Variants in PHACTR2 observed in about 807,000 individuals in gnomAD.
PHACTR2 encodes the protein phosphatase and actin regulator 2.
PHACTR2 carries 30 observed loss-of-function variants against 76.0 expected under a neutral mutation model. That is an observed-to-expected ratio of 0.39 (90% CI 0.30 to 0.54). PHACTR2 has a LOEUF of 0.54. Among genes scored for constraint, PHACTR2 ranks in the 20% least tolerant of loss-of-function variants. The pLI is 0.61. For missense variants in PHACTR2, 696 were observed against 781.1 expected (o/e 0.89, Z 1.30); for synonymous variants, 292 against 292.5 (o/e 1.00, Z 0.02).
chr6:143,694,922 C>T (rs1239275085), intron 1 of PHACTR2, among the ~76,000 whole-genome samples: 1 of 152,198 alleles, frequency 6.6e-6, no homozygotes, highest in Non-Finnish European at 1.5e-5. Context: ...GACTGCTTAT[C>T]TTGTCAACGT....
chr6:143,781,220 TAAAG>T (rs928723278), intron 9 of PHACTR2, among the ~76,000 whole-genome samples: 2 of 152,224 alleles, frequency 1.3e-5, no homozygotes, highest in African/African-American at 4.8e-5. Flanking sequence ...ATGGAAAACT[TAAAG>T]AAATCAGTTT....
intron 1 of PHACTR2, among the ~76,000 whole-genome samples, chr6:143,630,487 G>T (rs988389785): frequency 6.6e-6 from 1 of 151,962 alleles, no homozygotes; most frequent in African/African-American, 2.4e-5. Flanking sequence ...CAAATTAAAA[G>T]TGTTGTGATA....
intron 2 of PHACTR2, among the ~76,000 whole-genome samples, chr6:143,719,569 T>C (rs1162130224): frequency 1.3e-5 from 2 of 148,194 alleles, no homozygotes; most frequent in African/African-American, 2.5e-5. Context: ...AGGCTGGTCT[T>C]GAACTCCTGA....
rs191188255 is a variant in PHACTR2, at chr6:143,586,740, G to A, written c.217+49533G>A. ...TGGGTCACTGCCATGAAAAGGGGCG[G>A]TAACTCCCAGGTGTTGCCATGGTAC... On this transcript the variant is annotated intron_variant, in intron 1 of 11. Transcript: ENST00000367584. Among the ~76,000 whole-genome samples the A allele has an allele frequency of 5.3e-4, 80 of 152,300 alleles. 1 individual carries two copies. In the Middle Eastern group the frequency reaches 0.02, roughly 39 times the overall value.
chr6:143,638,619 A>C (rs1037715136), intron 1 of PHACTR2, among the ~76,000 whole-genome samples: 6 of 151,644 alleles, frequency 4.0e-5, no homozygotes, highest in African/African-American at 1.2e-4. Context: ...CCAAGTTTTG[A>C]GCTAATTTTT....
chr6:143,538,813 G>T (rs916561753), intron 1 of PHACTR2, among the ~76,000 whole-genome samples: 2 of 152,136 alleles, frequency 1.3e-5, no homozygotes, highest in Admixed American at 6.5e-5. Context: ...TTTGTAGATC[G>T]CATTGGATGA....
In PHACTR2 at chr6:143,648,457, G is replaced by T. The variant is rs1031918410; in HGVS notation, c.13+40135G>T. Reference sequence around the variant, plus strand: ...CTCTGCACTGGGAGTCCCTGGGAGGGGGGGACGAGGAGGAACAGACCAAAC... The same window carrying T: ...CTCTGCACTGGGAGTCCCTGGGAGGTGGGGACGAGGAGGAACAGACCAAAC... On this transcript the variant is annotated intron_variant, in intron 1 of 11. Coordinates refer to the PHACTR2 transcript ENST00000305766. This position sits in a 1 kb window ranked among gnomAD's most constrained non-coding sequence, Gnocchi z 6.7. Among the ~76,000 whole-genome samples, 4 of 152,268 alleles carry T rather than the reference G, an allele frequency of 2.6e-5. No individual in the cohort carries two copies. The highest frequency in any genetic ancestry group is 3.4e-3 in the Middle Eastern group (1 of 294).
rs1158674809 is a variant in PHACTR2 at position 143,558,845 on chromosome 6, T to C, written c.217+21638T>C. 6.6e-6 allele frequency among the ~76,000 whole-genome samples: 1 copy of C among 152,152 alleles called. No homozygotes were observed. Among genetic ancestry groups the C allele is most frequent in the African/African-American group, 2.4e-5 (1 of 41,430 alleles). On this transcript the variant is annotated intron_variant, in intron 1 of 11. Coordinates refer to the PHACTR2 transcript ENST00000367584. This position sits in a 1 kb window ranked among gnomAD's most constrained non-coding sequence, Gnocchi z 4.7. ...GCTGCAAACAGTGGACCAGTAATGG[T>C]GATTAGGTAGCTCGAGGGCCCCTAA...
intron 1 of PHACTR2, among the ~76,000 whole-genome samples, chr6:143,704,977 C>T (rs767495490): frequency 6.7e-6 from 1 of 150,248 alleles, no homozygotes; most frequent in African/African-American, 2.5e-5. Flanking sequence ...CACACACGCT[C>T]CACCATGCCC....
At chr6:143,729,452 T>A (rs1037091715) in intron 2 of PHACTR2, among the ~76,000 whole-genome samples, 2 of 152,160 alleles carry the variant, frequency 1.3e-5, no homozygotes, top group African/African-American at 4.8e-5. Flanking sequence ...TTCTTCTAAA[T>A]GTTTTTATAG....
At chr6:143,572,856 A>C (rs1459443179) in intron 1 of PHACTR2, among the ~76,000 whole-genome samples, 1 of 152,216 alleles carries the variant, frequency 6.6e-6, no homozygotes. Context: ...CCCAGCCAAC[A>C]GTGGTTTATT....
chr6:143,634,844 A>G (rs1169798650), intron 1 of PHACTR2, among the ~76,000 whole-genome samples: 6 of 152,188 alleles, frequency 3.9e-5, no homozygotes, highest in Non-Finnish European at 7.3e-5. Context: ...CCTTGCCTTC[A>G]TGGGATCTCA....
intron 1 of PHACTR2, among the ~76,000 whole-genome samples, chr6:143,638,929 A>G (rs1183147528): frequency 6.6e-6 from 1 of 152,116 alleles, no homozygotes; most frequent in Non-Finnish European, 1.5e-5. Context: ...AGTTTACAAA[A>G]TTTATTCTGT....
At chr6:143,719,134 C>T (rs552164272) in intron 2 of PHACTR2, among the ~76,000 whole-genome samples, 90 of 150,764 alleles carry the variant, frequency 6.0e-4, no homozygotes, top group African/African-American at 2.1e-3. Context: ...CCACCTGCCT[C>T]GGCCTCCTAA....
At chr6:143,725,820 C>CAAAAAAA (rs35596471) in intron 2 of PHACTR2, among the ~76,000 whole-genome samples, 30 of 132,062 alleles carry the variant, frequency 2.3e-4, no homozygotes, top group African/African-American at 8.0e-4. Context: ...GACTCTGTCT[C>CAAAAAAA]AAAAAAAAAA....
rs1428493705 is a variant in PHACTR2 at position 143,739,078 on chromosome 6, AT to A, written c.215-9902del. Among the ~76,000 whole-genome samples the A allele has an allele frequency of 1.3e-5, 2 of 151,912 alleles. No individual in the cohort carries two copies. Among genetic ancestry groups the A allele is most frequent in the African/African-American group, 2.4e-5 (1 of 41,370 alleles). On this transcript the variant is annotated intron_variant, in intron 2 of 12. Coordinates refer to ENST00000440869, the MANE Select transcript of PHACTR2 (RefSeq NM_001100164.2). This position sits in a 1 kb window ranked among gnomAD's most constrained non-coding sequence, Gnocchi z 4.3. ...TTATTTATTTATTATTTATTTATTT[AT>A]TTTTGAGACGGAGTCTCTCTCTGTC...
rs1779430190 is a variant in PHACTR2, at chr6:143,761,033, A to G, written c.694+393A>G. On this transcript the variant is annotated intron_variant, in intron 5 of 12. Coordinates refer to ENST00000440869, the MANE Select transcript of PHACTR2 (RefSeq NM_001100164.2). The surrounding 1 kb of genome is among the most constrained non-coding windows in gnomAD (Gnocchi z 5.2). ...GCTTGGATTTTCTTTCAAAATATCT[A>G]AGGTTTGCATATAAAAATGTGACAA... Among the ~76,000 whole-genome samples, 1 of 152,166 alleles carries G rather than the reference A, an allele frequency of 6.6e-6. No homozygotes were observed. The highest frequency in any genetic ancestry group is 2.1e-4 in the South Asian group (1 of 4,824).
intron 1 of PHACTR2, among the ~76,000 whole-genome samples, chr6:143,650,651 TC>T (rs1414452157): frequency 3.3e-5 from 5 of 151,754 alleles, no homozygotes; most frequent in Admixed American, 3.3e-4. Flanking sequence ...GAAACTGGAG[TC>T]CTTCCTTACA....
Position 143,618,460 on chromosome 6 carries a change from C to A in PHACTR2, c.13+10138C>A, listed in dbSNP as rs943087963. Among the ~76,000 whole-genome samples the A allele has an allele frequency of 6.6e-6, 1 of 152,102 alleles. No homozygotes were observed. Among genetic ancestry groups the A allele is most frequent in the Non-Finnish European group, 1.5e-5 (1 of 68,032 alleles). On this transcript the variant is annotated intron_variant, in intron 1 of 11. Transcript: ENST00000305766. This position sits in a 1 kb window ranked among gnomAD's most constrained non-coding sequence, Gnocchi z 5.2. ...AAACAGCGCAATTTAGTAAAACCATCTTTTACAATGTTTGACTTAACTACC... is the reference window on the plus strand; with the variant it reads ...AAACAGCGCAATTTAGTAAAACCATATTTTACAATGTTTGACTTAACTACC...
Sources: gnomAD v4.1 joint callset for allele counts (sites outside exome capture counted in the v4.1 genomes callset) on GRCh38, gnomAD v4.1.1 for gene constraint, Gnocchi (gnomAD v3.1) non-coding constraint, MANE v1.5 for transcripts, NCBI Gene and HGNC (gene_info 2026-07-23, HGNC 2026-07-21) for gene names.